The following ARHGEF7 variants were observed in gnomAD, a reference collection of about 807,000 sequenced individuals.
ARHGEF7 encodes Rho guanine nucleotide exchange factor 7.
Under a neutral mutation model 109.8 loss-of-function variants are expected in ARHGEF7, and 33 were observed. The ratio of observed to expected loss-of-function variants is 0.30; its 90% CI spans 0.23 to 0.40. ARHGEF7 has a LOEUF of 0.40. Among genes scored for constraint, ARHGEF7 ranks in the 10% least tolerant of loss-of-function variants. The probability of loss-of-function intolerance (pLI) is 1.00; values close to 1 mark genes in which losing one functional copy is unlikely to be tolerated. For missense variants in ARHGEF7, 938 were observed against 1,098.5 expected, an observed-to-expected ratio of 0.85 and a Z score of 2.07; for synonymous variants, 458 against 424.6, an observed-to-expected ratio of 1.08 and a Z score of -0.97.
intron 8 of ARHGEF7, among the ~76,000 whole-genome samples, chr13:111,264,411 G>A (rs1053278345): frequency 9.2e-5 from 14 of 152,250 alleles, no homozygotes; most frequent in Admixed American, 6.5e-4. Flanking sequence ...TTGGATTTGA[G>A]GGTAAAGAAG....
At chr13:111,264,445 C>T (rs2091409544) in intron 8 of ARHGEF7, among the ~76,000 whole-genome samples, 1 of 152,130 alleles carries the variant, frequency 6.6e-6, no homozygotes, top group Non-Finnish European at 1.5e-5. Flanking sequence ...GCAGGTGGGA[C>T]AGCCTCCCAT....
intron 19 of ARHGEF7, chr13:111,295,309 T>C (rs1005193068): frequency 5.2e-6 from 3 of 579,998 alleles, no homozygotes; most frequent in Non-Finnish European, 6.5e-6. Flanking sequence ...AGGTGATAGA[T>C]AGAACCCTTC....
At chr13:111,179,078 G>GT (rs56210153) in intron 2 of ARHGEF7, among the ~76,000 whole-genome samples, 2,855 of 147,608 alleles carry the variant, frequency 0.019, 54 homozygotes, top group Middle Eastern at 0.053. Context: ...TCAAATGCCT[G>GT]TTCTTTTTTT....
intron 2 of ARHGEF7, among the ~76,000 whole-genome samples, chr13:111,179,032 C>G (rs1269624568): frequency 6.6e-6 from 1 of 150,848 alleles, no homozygotes; most frequent in Non-Finnish European, 1.5e-5. Flanking sequence ...GGTGAACATC[C>G]GTGTGCCCTT....
chr13:111,151,974 A>G (rs1319476833), intron 1 of ARHGEF7, among the ~76,000 whole-genome samples: 2 of 152,194 alleles, frequency 1.3e-5, no homozygotes, highest in South Asian at 2.1e-4. Flanking sequence ...TTGTGTCCAT[A>G]TATGACTGAG....
intron 1 of ARHGEF7, among the ~76,000 whole-genome samples, chr13:111,127,838 A>G (rs1426642730): frequency 6.6e-6 from 1 of 152,196 alleles, no homozygotes; most frequent in East Asian, 1.9e-4. Context: ...AATTTAGCAA[A>G]TCAATTTCAG....
chr13:111,115,502 C>T lies in ARHGEF7; in HGVS notation c.-25C>T. The T allele has an allele frequency of 1.6e-6, 2 of 1,269,756 alleles. No homozygotes were observed. Among genetic ancestry groups the T allele is most frequent in the Non-Finnish European group, 1.0e-6 (1 of 987,622 alleles). The allele number at this position is 1,269,756 out of a possible 1,614,324, so 78.7% of individuals were successfully genotyped here. On this transcript the variant is annotated 5_prime_UTR_variant, in exon 1 of 22. Coordinates refer to ENST00000646102, the MANE Select transcript of ARHGEF7 (RefSeq NM_001354046.2). ...TCCGAGGTGAAGGCGCGCGCCCCTCCCCGCCTGCCTCCCGGGCCGCAGCGA... is the reference window on the plus strand; with the variant it reads ...TCCGAGGTGAAGGCGCGCGCCCCTCTCCGCCTGCCTCCCGGGCCGCAGCGA...
chr13:111,197,488 C>T (rs2080671109), intron 2 of ARHGEF7, among the ~76,000 whole-genome samples: 1 of 152,172 alleles, frequency 6.6e-6, no homozygotes, highest in South Asian at 2.1e-4. Flanking sequence ...TGTTAAGAGT[C>T]CTAAGCGTTC....
chr13:111,115,995 A>C (rs1275891848), intron 1 of ARHGEF7, among the ~76,000 whole-genome samples: 1 of 150,726 alleles, frequency 6.6e-6, no homozygotes, highest in Admixed American at 6.6e-5. Flanking sequence ...CCGAACGCTA[A>C]GTTGCCCCTC....
chr13:111,167,305 T>C (rs2077207479), intron 2 of ARHGEF7, among the ~76,000 whole-genome samples: 1 of 152,194 alleles, frequency 6.6e-6, no homozygotes, highest in South Asian at 2.1e-4. Context: ...TATATTTCTT[T>C]TATCCAATAA....
In ARHGEF7 at chr13:111,266,374, G is replaced by C. The variant is rs188197973; in HGVS notation, c.951-1174G>C. Among the ~76,000 whole-genome samples, 4 of 152,174 alleles carry C rather than the reference G, an allele frequency of 2.6e-5. No homozygotes were observed. In the East Asian group the frequency reaches 7.8e-4, roughly 29 times the overall value. On this transcript the variant is annotated intron_variant, in intron 8 of 21. Transcript: ENST00000646102. This position sits in a 1 kb window ranked among gnomAD's most constrained non-coding sequence, Gnocchi z 4.8. ...TGGGGCCTCGGTCTTCTTTTGGCCT[G>C]TGTCGACGCTCGTGGACACCTTCGC...
chr13:111,115,421 CGCTCGATGGGCGAGGCGGCGGCGGCGGCG>C lies in ARHGEF7; in HGVS notation c.-103_-75del. The C allele has an allele frequency of 2.3e-6, 2 of 882,510 alleles. No individual in the cohort carries two copies. Among genetic ancestry groups the C allele is most frequent in the Non-Finnish European group, 2.7e-6 (2 of 738,978 alleles). 54.7% of individuals were successfully genotyped at this position (882,510 alleles called of 1,614,324 possible). A position where few individuals can be genotyped will look rare whatever the true frequency, so the allele number is the denominator to read the frequency against. ...CGCCGAGCCAATCGCCGGCGCCGGC[CGCTCGATGGGCGAGGCGGCGGCGGCGGCG>C]GCGGGGGCCGCGGGCCGGGCCGCCG... is the stretch of plus-strand genomic sequence containing the variant. On this transcript the variant is annotated 5_prime_UTR_variant, in exon 1 of 22. The change abolishes an upstream ATG in the 5' untranslated region. Transcript: ENST00000646102.
At chr13:111,165,772 T>C (rs2077079351) in intron 2 of ARHGEF7, among the ~76,000 whole-genome samples, 1 of 152,172 alleles carries the variant, frequency 6.6e-6, no homozygotes, top group South Asian at 2.1e-4. Flanking sequence ...CTCTGCATAG[T>C]CTCTCATTTT....
chr13:111,172,023 G>A (rs139426860), intron 2 of ARHGEF7, among the ~76,000 whole-genome samples: 6 of 152,286 alleles, frequency 3.9e-5, no homozygotes, highest in East Asian at 1.9e-4. Context: ...CTTATGAGCC[G>A]CCCAGGTTAT....
intron 2 of ARHGEF7, among the ~76,000 whole-genome samples, chr13:111,200,356 C>A (rs1333769916): frequency 1.3e-5 from 2 of 152,142 alleles, no homozygotes; most frequent in African/African-American, 4.8e-5. Context: ...TGTCCTGTAG[C>A]CAGCTGCTGA....
At chr13:111,241,817 T>A (rs1399924412) in intron 6 of ARHGEF7, among the ~76,000 whole-genome samples, 1 of 152,246 alleles carries the variant, frequency 6.6e-6, no homozygotes, top group Non-Finnish European at 1.5e-5. Flanking sequence ...TGGTATCCAA[T>A]ATTTGTAATT....
intron 6 of ARHGEF7, among the ~76,000 whole-genome samples, chr13:111,242,905 C>G (rs2088051701): frequency 6.6e-6 from 1 of 152,214 alleles, no homozygotes; most frequent in Non-Finnish European, 1.5e-5. Context: ...TGGGCCTTTG[C>G]TGCAGTGATA....
chr13:111,254,511 G>A (rs1164879944), intron 8 of ARHGEF7, among the ~76,000 whole-genome samples: 1 of 144,544 alleles, frequency 6.9e-6, no homozygotes, highest in East Asian at 2.0e-4. Context: ...CTAAGGCGCT[G>A]AGTCGCTAAC....
chr13:111,233,100 A>T, intron 5 of ARHGEF7, 105 bp from the exon 6 acceptor site: 2 of 960,730 alleles, frequency 2.1e-6, no homozygotes, highest in Non-Finnish European at 3.3e-6. Flanking sequence ...TTGGCTTGTT[A>T]ATTCAGTGAG....
Sources: allele counts gnomAD v4.1 joint callset (sites outside exome capture counted in the v4.1 genomes callset), GRCh38; gene constraint gnomAD v4.1.1; non-coding constraint Gnocchi (gnomAD v3.1); transcripts MANE v1.5; gene names NCBI Gene and HGNC (gene_info 2026-07-23, HGNC 2026-07-21).